Variants in PCDH15 observed in about 807,000 individuals in gnomAD.
PCDH15 encodes the protein protocadherin related 15.
In PCDH15, 129 loss-of-function variants were observed where a neutral mutation model predicts 178.5. The observed-to-expected ratio is 0.72, with a 90% CI of 0.63 to 0.84. The LOEUF is 0.84. Among genes scored for constraint, PCDH15 ranks in the 40% least tolerant of loss-of-function variants. PCDH15 has a pLI of 0.00. For synonymous variants in PCDH15, 800 were observed against 732.0 expected (o/e 1.09, Z -1.50); for missense variants, 2,230 against 2,099.9 (o/e 1.06, Z -1.21).
intron 20 of PCDH15, among the ~76,000 whole-genome samples, chr10:53,999,238 G>A (rs2134973014): frequency 6.6e-6 from 1 of 152,156 alleles, no homozygotes; most frequent in African/African-American, 2.4e-5. Context: ...GCTCTATAAT[G>A]CCTTGAGGTT....
intron 28 of PCDH15, among the ~76,000 whole-genome samples, chr10:53,852,597 G>A (rs2078458943): frequency 6.6e-6 from 1 of 152,078 alleles, no homozygotes; most frequent in Admixed American, 6.6e-5. Flanking sequence ...AGGTACTGCG[G>A]TCTTAGCTAT....
chr10:54,649,036 T>TTTAGC (rs1483257597), intron 2 of PCDH15, among the ~76,000 whole-genome samples: 6 of 152,182 alleles, frequency 3.9e-5, no homozygotes, highest in African/African-American at 1.4e-4. Context: ...TCACTGAGCA[T>TTTAGC]TTAGCGGGGC....
chr10:53,806,991 T>C lies in PCDH15; in HGVS notation c.4811A>G (p.Tyr1604Cys), dbSNP rs533432329. ...SIHSNINGNI[Y>C]IAQNGSVVRT... is the part of the protein sequence containing the mutation. Reference sequence around the variant, plus strand: ...CACCACAGAACCATTCTGTGCAATATATATATTGCCGTTGATATTACTGTG... The same window carrying C: ...CACCACAGAACCATTCTGTGCAATACATATATTGCCGTTGATATTACTGTG... Residue 1604 changes from tyrosine (Y) to cysteine (C), a missense_variant, in exon 38 of 38, where the codon TAT (tyrosine) becomes TGT (cysteine). Physicochemically the swap from Tyr to Cys is radical, Grantham distance 194. Transcript: ENST00000644397. 5.6e-6 allele frequency: 9 copies of C among 1,613,736 alleles called. No individual in the cohort carries two copies. In the East Asian group the frequency reaches 6.7e-5, roughly 12 times the overall value.
chr10:54,581,210 A>C (rs184097528), intron 2 of PCDH15, among the ~76,000 whole-genome samples: 97 of 152,238 alleles, frequency 6.4e-4, no homozygotes, highest in Non-Finnish European at 1.2e-3. Context: ...ACTCTGCTGA[A>C]AGGCTCCTGA....
intron 1 of PCDH15, among the ~76,000 whole-genome samples, chr10:55,315,932 C>T (rs1843711896): frequency 6.6e-6 from 1 of 152,148 alleles, no homozygotes; most frequent in Non-Finnish European, 1.5e-5. Flanking sequence ...AGGAGAATCA[C>T]TTGAACCTGG....
In PCDH15 at chr10:53,903,240, T is replaced by A; in HGVS notation, c.3501+3A>T. 6.2e-7 allele frequency: 1 copy of A among 1,612,618 alleles called. No individual in the cohort carries two copies. Among genetic ancestry groups the A allele is most frequent in the Non-Finnish European group, 8.5e-7 (1 of 1,179,196 alleles). On this transcript the variant is annotated splice_donor_region_variant and intron_variant, in intron 26 of 37. Transcript: ENST00000644397. Reference sequence around the variant, plus strand: ...TTCTGTATATTAACATAATTCCGCATACCTTCACTCTGAGTACAGAAGTAA... The same window carrying A: ...TTCTGTATATTAACATAATTCCGCAAACCTTCACTCTGAGTACAGAAGTAA...
chr10:54,224,389 A>G (rs1192336827), intron 9 of PCDH15, among the ~76,000 whole-genome samples: 5 of 152,160 alleles, frequency 3.3e-5, no homozygotes, highest in Admixed American at 3.3e-4. Flanking sequence ...ATAGAAACAC[A>G]TGTCTAAGTT....
chr10:54,232,672 T>C (rs2054190838), intron 9 of PCDH15, among the ~76,000 whole-genome samples: 1 of 151,878 alleles, frequency 6.6e-6, no homozygotes, highest in South Asian at 2.1e-4. Flanking sequence ...ATAAATTGTA[T>C]ATAATATTCC....
At chr10:54,778,745 A>T (rs1949968892) in intron 1 of PCDH15, among the ~76,000 whole-genome samples, 1 of 152,114 alleles carries the variant, frequency 6.6e-6, no homozygotes, top group African/African-American at 2.4e-5. Flanking sequence ...GGTCGTATTG[A>T]ATCTCACATT....
chr10:55,433,183 A>T (rs1244361499), intron 2 of PCDH15, among the ~76,000 whole-genome samples: 1 of 152,230 alleles, frequency 6.6e-6, no homozygotes, highest in Non-Finnish European at 1.5e-5. Context: ...CAATAGCAAA[A>T]TCAAGGAATC....
intron 23 of PCDH15, among the ~76,000 whole-genome samples, chr10:53,945,837 G>GTATATATA (rs56389905): frequency 8.3e-4 from 99 of 119,394 alleles, no homozygotes; most frequent in Non-Finnish European, 1.3e-3. Context: ...ATATTTCATT[G>GTATATATA]TATATATATA....
chr10:55,209,517 T>G (rs138608414), intron 1 of PCDH15, among the ~76,000 whole-genome samples: 1,560 of 151,776 alleles, frequency 0.01, 13 homozygotes, highest in Non-Finnish European at 0.015. Context: ...TGAGGAAAAG[T>G]GGACAAATTA....
At chr10:54,614,836 T>C (rs1252952376) in intron 2 of PCDH15, among the ~76,000 whole-genome samples, 1 of 151,988 alleles carries the variant, frequency 6.6e-6, no homozygotes, top group Non-Finnish European at 1.5e-5. Flanking sequence ...TATTACCTCT[T>C]CCTTGAATCT....
At chr10:54,099,622 A>G (rs569387995) in intron 15 of PCDH15, among the ~76,000 whole-genome samples, 1 of 151,610 alleles carries the variant, frequency 6.6e-6, no homozygotes, top group Non-Finnish European at 1.5e-5. Flanking sequence ...CTACTTATAG[A>G]TAAAAATATG....
At chr10:55,241,809 T>C (rs930934667) in intron 1 of PCDH15, among the ~76,000 whole-genome samples, 1 of 152,168 alleles carries the variant, frequency 6.6e-6, no homozygotes, top group Non-Finnish European at 1.5e-5. Context: ...AAAAGCACAA[T>C]TTCATTCTTA....
At chr10:55,242,624 T>G (rs1841578979) in intron 1 of PCDH15, among the ~76,000 whole-genome samples, 1 of 152,126 alleles carries the variant, frequency 6.6e-6, no homozygotes, top group African/African-American at 2.4e-5. Context: ...GGCAGATCGC[T>G]TGAGCCCAGG....
intron 2 of PCDH15, among the ~76,000 whole-genome samples, chr10:55,547,868 C>T (rs930247917): frequency 4.6e-5 from 6 of 130,936 alleles, no homozygotes; most frequent in Non-Finnish European, 9.7e-5. Context: ...GAAGCCCAGG[C>T]TAACAATGCA....
At chr10:54,794,334 T>A (rs759825911) in intron 1 of PCDH15, among the ~76,000 whole-genome samples, 5 of 151,548 alleles carry the variant, frequency 3.3e-5, no homozygotes, top group Non-Finnish European at 4.4e-5. Flanking sequence ...AACCTTATTA[T>A]CTGAAGCTCA....
At chr10:55,210,231 T>C (rs367893731) in intron 1 of PCDH15, among the ~76,000 whole-genome samples, 6 of 152,032 alleles carry the variant, frequency 3.9e-5, no homozygotes, top group South Asian at 4.1e-4. Flanking sequence ...CATTATACTA[T>C]AGAGGACAGA....
Sources: allele counts gnomAD v4.1 joint callset (sites outside exome capture counted in the v4.1 genomes callset), GRCh38; gene constraint gnomAD v4.1.1; transcripts MANE v1.5; gene names NCBI Gene and HGNC (gene_info 2026-07-23, HGNC 2026-07-21).